The following SEPSECS variants were observed in gnomAD, a reference collection of about 807,000 sequenced individuals.
SEPSECS encodes the protein Sep (O-phosphoserine) tRNA:Sec (selenocysteine) tRNA synthase.
In SEPSECS, 42 loss-of-function variants were observed where a neutral mutation model predicts 52.1. The ratio of observed to expected loss-of-function variants is 0.81; its 90% CI spans 0.63 to 1.04. SEPSECS has a LOEUF of 1.04. SEPSECS is among the 50% of genes least tolerant of loss of function. The pLI is 0.00. For synonymous variants in SEPSECS, 216 were observed against 211.4 expected, an observed-to-expected ratio of 1.02 and a Z score of -0.19; for missense variants, 590 against 610.6, an observed-to-expected ratio of 0.97 and a Z score of 0.36.
chr4:25,151,426 T>C (rs1266776038), intron 6 of SEPSECS, among the ~76,000 whole-genome samples: 2 of 152,172 alleles, frequency 1.3e-5, no homozygotes, highest in Admixed American at 6.5e-5. Flanking sequence ...CAAAGCCTTG[T>C]AGGCCATAGT....
At chr4:25,137,788 C>G (rs1159012631) in intron 8 of SEPSECS, among the ~76,000 whole-genome samples, 1 of 152,110 alleles carries the variant, frequency 6.6e-6, no homozygotes, top group Non-Finnish European at 1.5e-5. Context: ...CAGCACTATT[C>G]ACAACAGCAA....
intron 8 of SEPSECS, among the ~76,000 whole-genome samples, chr4:25,139,191 C>T (rs1373087266): frequency 2.6e-5 from 4 of 152,088 alleles, no homozygotes; most frequent in Non-Finnish European, 5.9e-5. Flanking sequence ...AGATTTCCTC[C>T]AAAAACTATA....
At chr4:25,148,143 G>A (rs1712083143) in intron 6 of SEPSECS, among the ~76,000 whole-genome samples, 2 of 152,092 alleles carry the variant, frequency 1.3e-5, no homozygotes, top group South Asian at 4.1e-4. Context: ...ACGAGGTCAG[G>A]AGATTGAGAC....
chr4:25,152,519 C>A (rs920282999), intron 5 of SEPSECS, among the ~76,000 whole-genome samples: 3 of 151,904 alleles, frequency 2.0e-5, no homozygotes, highest in Non-Finnish European at 2.9e-5. Context: ...ATAAAAAATG[C>A]ATTCTCAAAT....
chr4:25,155,360 A>G lies in SEPSECS; in HGVS notation c.548-209T>C, dbSNP rs189536175. On this transcript the variant is annotated intron_variant, in intron 4 of 10. Coordinates refer to ENST00000382103, the MANE Select transcript of SEPSECS (RefSeq NM_016955.4). ...TGAGGGACTACTACACAATTTTAGG[A>G]CCATAAGTCTATTTAACACTTGGAT... The G allele has an allele frequency of 2.3e-5, 14 of 596,096 alleles. No individual in the cohort carries two copies. The Admixed American group carries it at 3.8e-4, about 16-fold the overall frequency. The allele number at this position is 596,096 out of a possible 1,614,324, so 36.9% of individuals were successfully genotyped here.
chr4:25,135,244 C>G (rs1214934236), intron 8 of SEPSECS, among the ~76,000 whole-genome samples: 1 of 144,536 alleles, frequency 6.9e-6, no homozygotes, highest in Non-Finnish European at 1.5e-5. Flanking sequence ...CACGAAAAAC[C>G]GTTAAAAAAA....
chr4:25,144,676 TC>T, intron 8 of SEPSECS, 97 bp downstream of exon 8: 2 of 848,094 alleles, frequency 2.4e-6, no homozygotes, highest in Admixed American at 1.8e-5. Context: ...ACTAGATGTC[TC>T]CCTCCCAGTG....
intron 8 of SEPSECS, among the ~76,000 whole-genome samples, chr4:25,133,023 G>A (rs1728673664): frequency 6.6e-6 from 1 of 151,888 alleles, no homozygotes; most frequent in Admixed American, 6.6e-5. Context: ...ACTTGCTCTG[G>A]GTATTACAGG....
intron 8 of SEPSECS, among the ~76,000 whole-genome samples, chr4:25,133,531 G>A (rs554526975): frequency 6.6e-6 from 1 of 152,186 alleles, no homozygotes; most frequent in Admixed American, 6.5e-5. Context: ...TGGGCCTTTG[G>A]AATCAATCAT....
rs993640615 is a variant in SEPSECS, at chr4:25,121,078, A to C, written c.*2853T>G. ...TATATCAAGTGCCTATTGGCTGAAC[A>C]GAACTGTATTCAATAATTCATATTC... On this transcript the variant is annotated 3_prime_UTR_variant, in exon 11 of 11. Transcript: ENST00000382103. 2.6e-4 allele frequency: 39 copies of C among 152,168 alleles called. No homozygotes were observed. Among genetic ancestry groups the C allele is most frequent in the African/African-American group, 8.0e-4 (33 of 41,450 alleles). 9.4% of individuals were successfully genotyped at this position (152,168 alleles called of 1,614,324 possible).
chr4:25,136,497 C>T (rs1459079953), intron 8 of SEPSECS, among the ~76,000 whole-genome samples: 1 of 152,004 alleles, frequency 6.6e-6, no homozygotes, highest in African/African-American at 2.4e-5. Context: ...CCTAGAAATA[C>T]AGCTAACTAG....
chr4:25,145,548 A>G (rs1019074287), intron 6 of SEPSECS, among the ~76,000 whole-genome samples: 4 of 152,226 alleles, frequency 2.6e-5, no homozygotes, highest in African/African-American at 7.2e-5. Context: ...GCACGGTTTC[A>G]GTATCAGCTC....
intron 6 of SEPSECS, 143 bp from the exon 7 acceptor site, chr4:25,145,276 C>G: frequency 1.3e-6 from 1 of 772,194 alleles, no homozygotes; most frequent in Non-Finnish European, 2.1e-6. Flanking sequence ...TATATACATG[C>G]ATCAAAACAT....
chr4:25,147,805 T>G (rs952873638), intron 6 of SEPSECS, among the ~76,000 whole-genome samples: 5 of 151,862 alleles, frequency 3.3e-5, no homozygotes, highest in South Asian at 2.1e-4. Context: ...TAAAAAAAAT[T>G]TATTTATACT....
At chr4:25,145,611 G>GA (rs1169736083) in intron 6 of SEPSECS, among the ~76,000 whole-genome samples, 3 of 152,158 alleles carry the variant, frequency 2.0e-5, no homozygotes, top group Admixed American at 1.3e-4. Flanking sequence ...TGATAAGAAA[G>GA]AATGGATTCA....
At chr4:25,130,443 C>T (rs1016029414) in intron 8 of SEPSECS, among the ~76,000 whole-genome samples, 3 of 152,164 alleles carry the variant, frequency 2.0e-5, no homozygotes, top group Non-Finnish European at 4.4e-5. Context: ...CAATCACTTG[C>T]TAATGCCACT....
intron 6 of SEPSECS, among the ~76,000 whole-genome samples, chr4:25,151,569 T>C (rs1712300777): frequency 6.6e-6 from 1 of 152,202 alleles, no homozygotes; most frequent in Admixed American, 6.5e-5. Flanking sequence ...ACTAGCATGT[T>C]TATAAATGAA....
At chr4:25,128,022 T>G (rs1237752012) in intron 8 of SEPSECS, among the ~76,000 whole-genome samples, 1 of 152,178 alleles carries the variant, frequency 6.6e-6, no homozygotes, top group Admixed American at 6.5e-5. Flanking sequence ...AAAGACACCT[T>G]CCTTTGTTAA....
In SEPSECS at chr4:25,144,903, G is replaced by C. The variant is rs191720294; in HGVS notation, c.935-38C>G. The C allele has an allele frequency of 2.0e-4, 310 of 1,574,860 alleles. 2 individuals are homozygous for C. The South Asian group carries it at 2.4e-3, about 12-fold the overall frequency. On this transcript the variant is annotated intron_variant, in intron 7 of 10. Coordinates refer to ENST00000382103, the MANE Select transcript of SEPSECS (RefSeq NM_016955.4). ...GGATAAGTTACATTAAGACTGTGGT[G>C]GGGGGGTAGCTTTGGAAATTAAGAT...
Sources: gnomAD v4.1 joint callset for allele counts (sites outside exome capture counted in the v4.1 genomes callset) on GRCh38, gnomAD v4.1.1 for gene constraint, MANE v1.5 for transcripts, NCBI Gene and HGNC (gene_info 2026-07-23, HGNC 2026-07-21) for gene names.